Variants in SORBS2 observed in about 807,000 individuals in gnomAD.
SORBS2 encodes sorbin and SH3 domain-containing protein 2.
A neutral mutation model predicts 97.7 loss-of-function variants in SORBS2; 46 were observed. The ratio of observed to expected loss-of-function variants is 0.47; its 90% CI spans 0.37 to 0.60. The LOEUF is 0.60. Ranked by LOEUF, SORBS2 falls within the 20% of genes least tolerant of loss-of-function variation. The pLI, the probability that SORBS2 is intolerant of heterozygous loss-of-function variation, is 0.00. For synonymous variants in SORBS2, 476 were observed against 473.4 expected (o/e 1.01, Z -0.07); for missense variants, 1,316 against 1,282.3 (o/e 1.03, Z -0.40).
At chr4:185,668,519 G>A (rs1016219749) in intron 4 of SORBS2, among the ~76,000 whole-genome samples, 1 of 152,116 alleles carries the variant, frequency 6.6e-6, no homozygotes, top group Admixed American at 6.5e-5. Context: ...AGTTATACTG[G>A]TCACCCACAA....
chr4:185,952,466 C>T (rs373553085), intron 1 of SORBS2, among the ~76,000 whole-genome samples: 3 of 152,206 alleles, frequency 2.0e-5, no homozygotes, highest in Non-Finnish European at 4.4e-5. Context: ...TGGGCAATAC[C>T]CTGAGTATTT....
At chr4:185,670,864 T>C (rs2097702614) in intron 4 of SORBS2, among the ~76,000 whole-genome samples, 1 of 152,182 alleles carries the variant, frequency 6.6e-6, no homozygotes, top group African/African-American at 2.4e-5. Flanking sequence ...AACTGGACTA[T>C]GCTGGGCCAG....
chr4:185,669,359 C>T (rs949316448), intron 4 of SORBS2, among the ~76,000 whole-genome samples: 20 of 152,282 alleles, frequency 1.3e-4, no homozygotes, highest in Middle Eastern at 3.4e-3. Context: ...CCTTGAAACA[C>T]GATGAAAATT....
intron 4 of SORBS2, 149 bp from the exon 14 acceptor site, chr4:185,639,184 T>C (rs1474398642): frequency 1.5e-6 from 1 of 662,922 alleles, no homozygotes; most frequent in Non-Finnish European, 2.4e-6. Context: ...CCCAGACGCC[T>C]CGGGAGCGAT....
At chr4:185,848,618 C>CTTTTTTTTTTTT (rs537195530) in intron 1 of SORBS2, among the ~76,000 whole-genome samples, 3 of 75,636 alleles carry the variant, frequency 4.0e-5, no homozygotes, top group African/African-American at 1.7e-4. Context: ...AAGGATATCT[C>CTTTTTTTTTTTT]TTTTTTTTTT....
chr4:185,618,485 A>C lies in SORBS2; in HGVS notation c.2351+100T>G, dbSNP rs1581084409. On this transcript the variant is annotated intron_variant, in intron 9 of 14. Transcript: ENST00000418609. The stretch of plus-strand genomic sequence containing the variant: ...AGTAGATTGCTGCATTGGGAATTAG[A>C]CCTCATTTGTAACAGATCCTACTGC... The C allele has an allele frequency of 2.0e-5, 11 of 561,096 alleles. No homozygotes were observed. In the East Asian group the frequency reaches 3.1e-4, roughly 16 times the overall value. 34.8% of individuals were successfully genotyped at this position (561,096 alleles called of 1,614,324 possible).
chr4:185,649,406 C>T, intron 3 of SORBS2, 61 bp downstream of exon 12: 2 of 1,343,324 alleles, frequency 1.5e-6, no homozygotes, highest in Non-Finnish European at 2.0e-6. Flanking sequence ...CTACTGAATG[C>T]CATGTAGACT....
intron 1 of SORBS2, among the ~76,000 whole-genome samples, chr4:185,955,210 G>T (rs922346722): frequency 2.0e-5 from 3 of 152,026 alleles, no homozygotes; most frequent in Non-Finnish European, 4.4e-5. Flanking sequence ...TCTGCTCCCC[G>T]AGAAAACACT....
chr4:185,834,334 T>C (rs1040196479), intron 1 of SORBS2, among the ~76,000 whole-genome samples: 2 of 152,142 alleles, frequency 1.3e-5, no homozygotes, highest in African/African-American at 2.4e-5. Flanking sequence ...CAATTCAAGA[T>C]GAGATTTGGG....
rs145050644 is a variant in SORBS2 at position 185,743,503 on chromosome 4, G to A, written c.-198+31724C>T. Among the ~76,000 whole-genome samples the A allele has an allele frequency of 7.2e-3, 1,096 of 152,282 alleles. 5 individuals carry two copies. Among genetic ancestry groups the A allele is most frequent in the Middle Eastern group, 0.02 (6 of 294 alleles). On this transcript the variant is annotated intron_variant, in intron 2 of 20. Transcript: ENST00000284776. ...CACATTGTCCTTCATTGCTGAGGAT[G>A]AAAACATAGAGCTAAAAACTGTGAT...
At chr4:185,749,065 G>T (rs555905103) in intron 2 of SORBS2, among the ~76,000 whole-genome samples, 1 of 152,340 alleles carries the variant, frequency 6.6e-6, no homozygotes, top group East Asian at 1.9e-4. Context: ...TTTAAAAAAA[G>T]ATTATAGCAA....
rs1420321232 is a variant in SORBS2 at position 185,913,407 on chromosome 4, C to T, written c.-338+42789G>A. Among the ~76,000 whole-genome samples the T allele has an allele frequency of 3.3e-5, 5 of 152,276 alleles. No individual in the cohort carries two copies. In the South Asian group the frequency reaches 1.0e-3, roughly 32 times the overall value. On this transcript the variant is annotated intron_variant, in intron 1 of 20. Coordinates refer to the SORBS2 transcript ENST00000284776. The stretch of plus-strand genomic sequence containing the variant: ...CCTTGATTTAGGTTGACCTGACAGA[C>T]CAACATCTGAACTTTTAAAAAAGAT...
At chr4:185,810,319 C>T (rs1024028942) in intron 1 of SORBS2, among the ~76,000 whole-genome samples, 10 of 152,216 alleles carry the variant, frequency 6.6e-5, no homozygotes, top group African/African-American at 2.4e-4. Context: ...AACATTGCTA[C>T]ATCTCTGAAA....
At chr4:185,895,690 T>C (rs2099244682) in intron 1 of SORBS2, among the ~76,000 whole-genome samples, 1 of 152,240 alleles carries the variant, frequency 6.6e-6, no homozygotes, top group Non-Finnish European at 1.5e-5. Context: ...AATGAAGGAC[T>C]AGGGTTCTTC....
rs547638235 is a variant in SORBS2 at position 185,704,563 on chromosome 4, C to T, written c.-197-25741G>A. 1.1e-4 allele frequency among the ~76,000 whole-genome samples: 16 copies of T among 152,168 alleles called. No individual in the cohort carries two copies. The South Asian group carries it at 3.3e-3, about 32-fold the overall frequency. ...CGAGTTCCTGACCTCAGGTGATCCA[C>T]CCCCCTCGGCCTCCCAAAGTGCTGG... On this transcript the variant is annotated intron_variant, in intron 2 of 20. Coordinates refer to the SORBS2 transcript ENST00000284776.
intron 1 of SORBS2, among the ~76,000 whole-genome samples, chr4:185,830,947 G>T (rs1259978186): frequency 1.3e-5 from 2 of 152,136 alleles, no homozygotes; most frequent in Non-Finnish European, 2.9e-5. Flanking sequence ...GGTACTTAGG[G>T]TTTGCTGTGA....
intron 4 of SORBS2, among the ~76,000 whole-genome samples, chr4:185,632,897 T>C (rs2096931006): frequency 1.3e-5 from 2 of 152,158 alleles, no homozygotes; most frequent in African/African-American, 4.8e-5. Flanking sequence ...CAGTATTAAA[T>C]TGTAAGATAA....
chr4:185,934,327 T>C (rs993411964), intron 1 of SORBS2, among the ~76,000 whole-genome samples: 2 of 152,226 alleles, frequency 1.3e-5, no homozygotes, highest in African/African-American at 4.8e-5. Context: ...AATAAGGCAC[T>C]GTCCCTGCCA....
intron 2 of SORBS2, among the ~76,000 whole-genome samples, chr4:185,762,328 G>T (rs2098900268): frequency 6.6e-6 from 1 of 152,156 alleles, no homozygotes; most frequent in South Asian, 2.1e-4. Flanking sequence ...GACATTCAAA[G>T]GGAATGTTCA....
Sources: gnomAD v4.1 joint callset for allele counts (sites outside exome capture counted in the v4.1 genomes callset) on GRCh38, gnomAD v4.1.1 for gene constraint, MANE v1.5 for transcripts, NCBI Gene and HGNC (gene_info 2026-07-23, HGNC 2026-07-21) for gene names.